The following AFF2 variants were observed in gnomAD, a reference collection of about 807,000 sequenced individuals.
The protein encoded by AFF2 is AF4/FMR2 family member 2.
Under a neutral mutation model 76.9 loss-of-function variants are expected in AFF2, and 14 were observed. That is an observed-to-expected ratio of 0.18 (90% CI 0.12 to 0.28). AFF2 has a LOEUF of 0.28. AFF2 is among the 10% of genes least tolerant of loss of function. AFF2 has a pLI of 1.00. For synonymous variants in AFF2, 398 were observed against 366.7 expected (o/e 1.09, Z -0.98); for missense variants, 868 against 1,001.1 (o/e 0.87, Z 1.79).
intron 3 of AFF2, among the ~76,000 whole-genome samples, chrX:148,665,843 T>G (rs1319327642): frequency 8.9e-6 from 1 of 111,764 alleles, no homozygotes; most frequent in Non-Finnish European, 1.9e-5. Context: ...AGTGGTAGCA[T>G]TACTCTGAGT....
chrX:148,916,283 C>T (rs1325588680), intron 9 of AFF2, among the ~76,000 whole-genome samples: 3 of 90,313 alleles, frequency 3.3e-5, no homozygotes, highest in African/African-American at 4.3e-5. Context: ...GATCTCGGCT[C>T]ACTGCAAGCT....
chrX:148,593,755 A>G (rs781902091), intron 1 of AFF2, among the ~76,000 whole-genome samples: 56 of 112,353 alleles, frequency 5.0e-4, no homozygotes, highest in Non-Finnish European at 8.1e-4. Flanking sequence ...AGCACATTAC[A>G]TGCATTCTTG....
chrX:148,633,093 A>G (rs1415381992), intron 1 of AFF2, among the ~76,000 whole-genome samples: 1 of 112,052 alleles, frequency 8.9e-6, no homozygotes, highest in East Asian at 2.8e-4. Flanking sequence ...ATGCAACTGG[A>G]TGATACTGCA....
At chrX:148,880,929 T>C (rs1557278402) in intron 7 of AFF2, among the ~76,000 whole-genome samples, 1 of 111,904 alleles carries the variant, frequency 8.9e-6, no homozygotes, top group Non-Finnish European at 1.9e-5. Flanking sequence ...AGAAAGGTAT[T>C]GTTAGCTACC....
chrX:148,906,424 G>A (rs1237549826), intron 9 of AFF2, among the ~76,000 whole-genome samples: 2 of 111,584 alleles, frequency 1.8e-5, no homozygotes, highest in African/African-American at 6.5e-5. Flanking sequence ...TTCCCAGGCC[G>A]ACTAAGAATT....
At chrX:148,827,519 T>C (rs1490695653) in intron 4 of AFF2, among the ~76,000 whole-genome samples, 4 of 112,065 alleles carry the variant, frequency 3.6e-5, no homozygotes, top group Non-Finnish European at 5.6e-5. Context: ...CTTTCACTTA[T>C]AGCATAAGCT....
intron 1 of AFF2, among the ~76,000 whole-genome samples, chrX:148,588,834 G>A (rs1485468583): frequency 9.0e-6 from 1 of 111,356 alleles, no homozygotes; most frequent in Admixed American, 9.6e-5. Flanking sequence ...ATTGTGAGTC[G>A]GCGTCAGAAC....
intron 6 of AFF2, among the ~76,000 whole-genome samples, 153 bp from the exon 7 acceptor site, chrX:148,843,229 A>C (rs2070622549): frequency 9.2e-6 from 1 of 109,110 alleles, no homozygotes; most frequent in Non-Finnish European, 1.9e-5. Flanking sequence ...CCCGTGATAT[A>C]TCTAACTGGT....
At chrX:148,620,596 G>T (rs1275036583) in intron 1 of AFF2, among the ~76,000 whole-genome samples, 2 of 110,208 alleles carry the variant, frequency 1.8e-5, no homozygotes, top group Non-Finnish European at 3.8e-5. Flanking sequence ...CTCTGGAAAA[G>T]ACATTCTCAT....
intron 4 of AFF2, among the ~76,000 whole-genome samples, chrX:148,824,313 T>C (rs1262580948): frequency 9.0e-6 from 1 of 111,692 alleles, no homozygotes; most frequent in Non-Finnish European, 1.9e-5. Flanking sequence ...AGCCATTCAT[T>C]GTACAAACTT....
intron 3 of AFF2, among the ~76,000 whole-genome samples, chrX:148,719,873 G>A (rs1189930389): frequency 9.0e-6 from 1 of 111,208 alleles, no homozygotes; most frequent in Non-Finnish European, 1.9e-5. Flanking sequence ...TGTAGTAGGT[G>A]CTCACTGAAT....
At chrX:148,526,189 A>G (rs782142809) in intron 1 of AFF2, among the ~76,000 whole-genome samples, 1 of 111,111 alleles carries the variant, frequency 9.0e-6, no homozygotes, top group African/African-American at 3.3e-5. Flanking sequence ...GTGGATTCTT[A>G]TTTTATTTAA....
At chrX:148,627,478 T>C (rs1183412577) in intron 1 of AFF2, among the ~76,000 whole-genome samples, 1 of 111,521 alleles carries the variant, frequency 9.0e-6, no homozygotes, top group Non-Finnish European at 1.9e-5. Flanking sequence ...ATTTAGGAGA[T>C]GGGCATGGGC....
intron 11 of AFF2, 66 bp from the exon 12 acceptor site, chrX:148,958,271 A>G (rs2072065427): frequency 2.6e-6 from 3 of 1,174,266 alleles, no homozygotes; most frequent in African/African-American, 3.6e-5. Flanking sequence ...TTTTTAGTGT[A>G]TAAAATATGG....
intron 9 of AFF2, among the ~76,000 whole-genome samples, chrX:148,943,359 A>C (rs1557285813): frequency 1.8e-5 from 2 of 112,407 alleles, no homozygotes; most frequent in African/African-American, 6.5e-5. Flanking sequence ...TGTTTTCAGC[A>C]CCAAATTCTT....
intron 3 of AFF2, among the ~76,000 whole-genome samples, chrX:148,780,706 C>G (rs7066334): frequency 0.14 from 15,871 of 111,140 alleles, 962 homozygotes; most frequent in Non-Finnish European, 0.16. Flanking sequence ...GCTCCTTTAG[C>G]TCGGAGGAGT....
At chrX:148,719,254 A>T (rs1207256194) in intron 3 of AFF2, 3 of 1,106,262 alleles carry the variant, frequency 2.7e-6, no homozygotes, top group Non-Finnish European at 3.6e-6. Context: ...AGTTGGCTGT[A>T]GAAGGTCTAC....
At chrX:148,769,363 A>G (rs2069557736) in intron 3 of AFF2, among the ~76,000 whole-genome samples, 1 of 111,500 alleles carries the variant, frequency 9.0e-6, no homozygotes, top group African/African-American at 3.3e-5. Flanking sequence ...GGTTTTCATG[A>G]GTGTGAGTGG....
At chrX:148,611,706 A>G (rs1557249536) in intron 1 of AFF2, among the ~76,000 whole-genome samples, 2 of 111,207 alleles carry the variant, frequency 1.8e-5, no homozygotes, top group Non-Finnish European at 3.8e-5. Flanking sequence ...GGGAGGCTCC[A>G]GTTTCAACTC....
Sources: gnomAD v4.1 joint callset for allele counts (sites outside exome capture counted in the v4.1 genomes callset) on GRCh38, gnomAD v4.1.1 for gene constraint, MANE v1.5 for transcripts, NCBI Gene and HGNC (gene_info 2026-07-23, HGNC 2026-07-21) for gene names.